Variants in FAM193A observed in about 807,000 individuals in gnomAD.
FAM193A encodes the protein protein FAM193A.
A neutral mutation model predicts 126.5 loss-of-function variants in FAM193A; 22 were observed. That is an observed-to-expected ratio of 0.17 (90% CI 0.12 to 0.25). FAM193A has a LOEUF of 0.25. Among genes scored for constraint, FAM193A ranks in the 10% least tolerant of loss-of-function variants. FAM193A has a pLI of 1.00. For missense variants in FAM193A, 1,675 were observed against 1,672.8 expected (o/e 1.00, Z -0.02); for synonymous variants, 761 against 646.8 (o/e 1.18, Z -2.68).
intron 7 of FAM193A, among the ~76,000 whole-genome samples, chr4:2,649,374 GAA>G (rs35548308): frequency 1.6e-4 from 15 of 94,304 alleles, no homozygotes; most frequent in Admixed American, 3.8e-4. Context: ...GACCCTGTCT[GAA>G]AAAAAAAAAA....
chr4:2,581,520 C>T (rs1399711061), intron 1 of FAM193A, among the ~76,000 whole-genome samples: 1 of 152,182 alleles, frequency 6.6e-6, no homozygotes, highest in East Asian at 1.9e-4. Context: ...TCCCAAAGTG[C>T]TGAGATTACA....
intron 2 of FAM193A, chr4:2,615,287 A>G (rs889944079): frequency 2.6e-5 from 4 of 152,300 alleles, no homozygotes; most frequent in Non-Finnish European, 5.9e-5. Flanking sequence ...GTGGAAGTTT[A>G]CATCATTTTA....
At chr4:2,610,186 C>G (rs1440052419) in intron 2 of FAM193A, among the ~76,000 whole-genome samples, 3 of 151,770 alleles carry the variant, frequency 2.0e-5, no homozygotes, top group Non-Finnish European at 4.4e-5. Context: ...GAGCCGAGAT[C>G]ACGCCACTAA....
chr4:2,704,211 C>T (rs541278329), intron 19 of FAM193A, among the ~76,000 whole-genome samples: 4 of 145,374 alleles, frequency 2.8e-5, no homozygotes, highest in Non-Finnish European at 6.0e-5. Flanking sequence ...TGCAGTGAGC[C>T]GAGATCACAC....
At chr4:2,634,631 A>C (rs754612580) in intron 5 of FAM193A, among the ~76,000 whole-genome samples, 1 of 152,232 alleles carries the variant, frequency 6.6e-6, no homozygotes, top group African/African-American at 2.4e-5. Context: ...AAAAATATCA[A>C]AACTAGAAAC....
intron 1 of FAM193A, among the ~76,000 whole-genome samples, chr4:2,586,244 C>CAAA (rs71178483): frequency 7.0e-6 from 1 of 143,536 alleles, no homozygotes; most frequent in African/African-American, 2.6e-5. Flanking sequence ...AACTCCGTCT[C>CAAA]AAAAAAAAAA....
chr4:2,696,250 C>A, intron 17 of FAM193A, 113 bp from the exon 18 acceptor site: 1 of 703,398 alleles, frequency 1.4e-6, no homozygotes, highest in Non-Finnish European at 2.3e-6. Flanking sequence ...TTATTTTTCA[C>A]AACAAATATA....
chr4:2,716,613 A>G (rs1183831093), intron 20 of FAM193A, among the ~76,000 whole-genome samples: 6 of 152,180 alleles, frequency 3.9e-5, no homozygotes, highest in Non-Finnish European at 8.8e-5. Context: ...CTGATGGGCA[A>G]GTTTTATCAG....
At chr4:2,610,331 C>A (rs73791842) in intron 2 of FAM193A, among the ~76,000 whole-genome samples, 3 of 152,110 alleles carry the variant, frequency 2.0e-5, no homozygotes, top group Admixed American at 2.0e-4. Context: ...GCATATAGTC[C>A]CAACTTAAAC....
chr4:2,715,045 T>C (rs183749390), intron 19 of FAM193A, among the ~76,000 whole-genome samples: 2 of 152,340 alleles, frequency 1.3e-5, no homozygotes, highest in Admixed American at 1.3e-4. Flanking sequence ...ATTCTCAAAC[T>C]TGCCTGAGAG....
At chr4:2,697,216 CATG>C (rs553297577) in intron 18 of FAM193A, among the ~76,000 whole-genome samples, 143 of 152,230 alleles carry the variant, frequency 9.4e-4, no homozygotes, top group African/African-American at 3.4e-3. Context: ...GTTAGCCAGT[CATG>C]GTGGTGTACG....
intron 13 of FAM193A, among the ~76,000 whole-genome samples, chr4:2,687,326 G>C (rs919114493): frequency 6.6e-6 from 1 of 152,212 alleles, no homozygotes; most frequent in African/African-American, 2.4e-5. Context: ...CACACTCACT[G>C]AATACTTACT....
At chr4:2,725,583 A>G (rs115612596) in intron 20 of FAM193A, among the ~76,000 whole-genome samples, 5,399 of 151,656 alleles carry the variant, frequency 0.036, 324 homozygotes, top group African/African-American at 0.12. Flanking sequence ...CTCTAGATAG[A>G]GTGTGGCCAA....
At chr4:2,689,805 AGCT>A in intron 14 of FAM193A, 101 bp downstream of exon 14, 1 of 790,044 alleles carries the variant, frequency 1.3e-6, no homozygotes, top group South Asian at 1.8e-5. Context: ...AGCTGTAGCC[AGCT>A]GCTGCTCCAC....
In FAM193A at chr4:2,557,998, C is replaced by T. The variant is rs762331475; in HGVS notation, c.255+20828C>T. On this transcript the variant is annotated intron_variant, in intron 1 of 20. Transcript: ENST00000637812. Reference sequence around the variant, plus strand: ...TTTAATAGTGTACTACAAGGCTGGGCGCTATGGCTCATGCCTGTAATCCCA... The same window carrying T: ...TTTAATAGTGTACTACAAGGCTGGGTGCTATGGCTCATGCCTGTAATCCCA... Among the ~76,000 whole-genome samples the T allele has an allele frequency of 4.0e-5, 6 of 151,756 alleles. No individual in the cohort carries two copies. The East Asian group carries it at 7.7e-4, about 20-fold the overall frequency.
At chr4:2,668,899 G>T (rs1468541599) in intron 12 of FAM193A, among the ~76,000 whole-genome samples, 1 of 151,594 alleles carries the variant, frequency 6.6e-6, no homozygotes, top group Admixed American at 6.6e-5. Context: ...CTAGAGTGCA[G>T]TGGCACAATT....
intron 1 of FAM193A, among the ~76,000 whole-genome samples, chr4:2,558,566 G>C (rs28663181): frequency 2.6e-5 from 4 of 152,148 alleles, no homozygotes; most frequent in Non-Finnish European, 4.4e-5. Context: ...TTTTCTGGGG[G>C]GGATGAGATC....
rs1478935350 is a variant in FAM193A at position 2,732,346 on chromosome 4, C to T, written c.*478C>T. ...CTACTGTCTCCGAGTGTACACGTTG[C>T]GCTGTTTGTGTTTGATCCCCCTGAC... On this transcript the variant is annotated 3_prime_UTR_variant, in exon 21 of 21. Coordinates refer to ENST00000637812, the MANE Select transcript of FAM193A (RefSeq NM_001366318.2). 1.6e-5 allele frequency: 3 copies of T among 182,666 alleles called. No homozygotes were observed. Among genetic ancestry groups the T allele is most frequent in the Non-Finnish European group, 3.5e-5 (3 of 85,996 alleles). 11.3% of individuals were successfully genotyped at this position (182,666 alleles called of 1,614,324 possible). A position where few individuals can be genotyped will look rare whatever the true frequency, so the allele number is the denominator to read the frequency against.
chr4:2,689,580 T>G lies in FAM193A; in HGVS notation c.2406T>G (p.Ile802Met). 6.4e-7 allele frequency: 1 copy of G among 1,550,600 alleles called. No homozygotes were observed. Among genetic ancestry groups the G allele is most frequent in the Non-Finnish European group, 8.6e-7 (1 of 1,157,068 alleles). Residue 802 changes from isoleucine to methionine, a missense_variant, in exon 14 of 21, where the codon ATT (isoleucine) becomes ATG (methionine). By Grantham distance (10) the Ile-to-Met change is conservative (BLOSUM62 1). Coordinates refer to ENST00000637812, the MANE Select transcript of FAM193A (RefSeq NM_001366318.2). ...QVFNASLQDHIYPSCFGNTPE... is the reference protein window; with the variant it reads ...QVFNASLQDHMYPSCFGNTPE... ...TCAATGCATCTCTTCAAGACCATAT[T>G]TATCCGAGCTGTTTTGGGAATACTC...
Sources: gnomAD v4.1 joint callset for allele counts (sites outside exome capture counted in the v4.1 genomes callset) on GRCh38, gnomAD v4.1.1 for gene constraint, MANE v1.5 for transcripts, NCBI Gene and HGNC (gene_info 2026-07-23, HGNC 2026-07-21) for gene names.